Variants in CFAP44 observed in about 807,000 individuals in gnomAD.
The protein encoded by CFAP44 is cilia- and flagella-associated protein 44.
In CFAP44, 134 loss-of-function variants were observed where a neutral mutation model predicts 216.2. The observed-to-expected ratio is 0.62, with a 90% CI of 0.54 to 0.72. The LOEUF (loss-of-function observed/expected upper bound fraction) is 0.72, where lower values mean the gene tolerates loss of function less well. CFAP44 is among the 30% of genes least tolerant of loss of function. CFAP44 has a pLI of 0.00. For missense variants in CFAP44, 2,035 were observed against 2,182.1 expected, an observed-to-expected ratio of 0.93 and a Z score of 1.34; for synonymous variants, 700 against 727.6, an observed-to-expected ratio of 0.96 and a Z score of 0.61.
chr3:113,339,598 C>T (rs911955453), intron 24 of CFAP44, among the ~76,000 whole-genome samples: 11 of 152,168 alleles, frequency 7.2e-5, no homozygotes, highest in Non-Finnish European at 5.9e-5. Context: ...AGGTTTACTC[C>T]GCAGGAATTG....
intron 21 of CFAP44, chr3:113,362,904 A>C: frequency 8.0e-7 from 1 of 1,244,800 alleles, no homozygotes; most frequent in Non-Finnish European, 1.0e-6. Flanking sequence ...TATTCCTTTC[A>C]TGTGTTCTAT....
intron 5 of CFAP44, among the ~76,000 whole-genome samples, chr3:113,417,983 T>C (rs1220956400): frequency 6.6e-6 from 1 of 152,226 alleles, no homozygotes; most frequent in Non-Finnish European, 1.5e-5. Context: ...AATTAAAAAG[T>C]TTCTGCCTCA....
chr3:113,363,416 C>T, intron 20 of CFAP44, 61 bp downstream of exon 20: 1 of 1,581,990 alleles, frequency 6.3e-7, no homozygotes. Context: ...TCAACTTCTG[C>T]ACTGTTGATT....
intron 32 of CFAP44, among the ~76,000 whole-genome samples, chr3:113,299,442 G>A (rs1257937350): frequency 2.0e-5 from 3 of 152,130 alleles, no homozygotes; most frequent in Non-Finnish European, 4.4e-5. Flanking sequence ...TAGAGAAAAC[G>A]AAACCCTCAT....
chr3:113,363,705 A>C (rs1431274744), intron 19 of CFAP44, among the ~76,000 whole-genome samples, 173 bp from the exon 20 acceptor site: 1 of 152,180 alleles, frequency 6.6e-6, no homozygotes, highest in Non-Finnish European at 1.5e-5. Flanking sequence ...AAAAAAATGC[A>C]GTTTACTAAA....
chr3:113,341,971 C>T, intron 23 of CFAP44, 53 bp from the exon 24 acceptor site: 3 of 1,466,960 alleles, frequency 2.0e-6, no homozygotes, highest in African/African-American at 1.5e-5. Flanking sequence ...AAACAAAACT[C>T]TCAGATATTG....
At chr3:113,350,374 C>G (rs1168527938) in intron 22 of CFAP44, among the ~76,000 whole-genome samples, 3 of 146,412 alleles carry the variant, frequency 2.0e-5, no homozygotes, top group Non-Finnish European at 4.5e-5. Context: ...GAGAGAGAGA[C>G]AGAAAGTCAA....
At chr3:113,293,439 G>A (rs1233355970) in intron 34 of CFAP44, among the ~76,000 whole-genome samples, 1 of 152,150 alleles carries the variant, frequency 6.6e-6, no homozygotes, top group African/African-American at 2.4e-5. Flanking sequence ...TACTGTTTTG[G>A]GGATTAAATG....
intron 29 of CFAP44, 41 bp downstream of exon 29, chr3:113,308,117 A>C (rs1950003683): frequency 6.9e-7 from 1 of 1,458,320 alleles, no homozygotes; most frequent in Non-Finnish European, 9.2e-7. Flanking sequence ...GCCAATCAAT[A>C]TTCACACTTC....
chr3:113,343,063 T>C (rs1405455770), intron 23 of CFAP44, among the ~76,000 whole-genome samples: 22 of 139,764 alleles, frequency 1.6e-4, no homozygotes, highest in Admixed American at 5.6e-4. Flanking sequence ...TTCTTTCTTT[T>C]TTTTTTTTTT....
intron 2 of CFAP44, among the ~76,000 whole-genome samples, chr3:113,428,158 T>C (rs1052828652): frequency 6.6e-6 from 1 of 152,214 alleles, no homozygotes; most frequent in Admixed American, 6.5e-5. Context: ...GAGGGGGCCC[T>C]GGAGAACTAC....
At chr3:113,320,731 C>T (rs112158422) in intron 28 of CFAP44, among the ~76,000 whole-genome samples, 33,826 of 151,668 alleles carry the variant, frequency 0.22, 4,093 homozygotes, top group East Asian at 0.41. Context: ...GTTCAATGTT[C>T]GAGGGCAGGA....
At chr3:113,428,972 G>A (rs1935033354) in intron 2 of CFAP44, 1 of 152,068 alleles carries the variant, frequency 6.6e-6, no homozygotes, top group South Asian at 2.1e-4. Flanking sequence ...GTTTGCCTCT[G>A]TGATCCTTAT....
chr3:113,351,650 T>A (rs935548305), intron 22 of CFAP44, among the ~76,000 whole-genome samples: 1 of 152,222 alleles, frequency 6.6e-6, no homozygotes, highest in African/African-American at 2.4e-5. Flanking sequence ...TAGTACGAGA[T>A]GCCAACCGGC....
chr3:113,404,098 A>G, intron 8 of CFAP44, 82 bp from the exon 9 acceptor site: 1 of 1,383,470 alleles, frequency 7.2e-7, no homozygotes, highest in Non-Finnish European at 9.5e-7. Flanking sequence ...GGTGAAAATT[A>G]TTTTTTAAGG....
chr3:113,398,216 C>T (rs1934044822), intron 13 of CFAP44, among the ~76,000 whole-genome samples: 1 of 152,054 alleles, frequency 6.6e-6, no homozygotes, highest in South Asian at 2.1e-4. Context: ...AGTGGGAAGA[C>T]AATAAAGCAC....
intron 28 of CFAP44, among the ~76,000 whole-genome samples, chr3:113,324,042 C>CAAAAAAAAAAAAA (rs200919084): frequency 0.032 from 2,245 of 71,110 alleles, 67 homozygotes; most frequent in East Asian, 0.063. Flanking sequence ...GACTCCGTCT[C>CAAAAAAAAAAAAA]AAAAAAAAAA....
chr3:113,434,719 T>A (rs1268435929), intron 1 of CFAP44: 2 of 152,210 alleles, frequency 1.3e-5, no homozygotes, highest in African/African-American at 4.8e-5. Context: ...AGATTAGGGT[T>A]TGAATCCCAG....
chr3:113,338,737 C>T (rs1950304332), intron 24 of CFAP44, among the ~76,000 whole-genome samples: 1 of 152,130 alleles, frequency 6.6e-6, no homozygotes, highest in Admixed American at 6.5e-5. Context: ...GCTGTAAGTC[C>T]TGTAGGGAGA....
Sources: allele counts gnomAD v4.1 joint callset (sites outside exome capture counted in the v4.1 genomes callset), GRCh38; gene constraint gnomAD v4.1.1; transcripts MANE v1.5; gene names NCBI Gene and HGNC (gene_info 2026-07-23, HGNC 2026-07-21).